The following KIN variants were observed in gnomAD, a reference collection of about 807,000 sequenced individuals.
The protein encoded by KIN is DNA/RNA-binding protein KIN17.
KIN carries 47 observed loss-of-function variants against 63.0 expected under a neutral mutation model. That is an observed-to-expected ratio of 0.75 (90% confidence interval 0.59 to 0.95). KIN has a LOEUF of 0.95. Ranked by LOEUF, KIN falls within the 40% of genes least tolerant of loss-of-function variation. KIN has a pLI of 0.00. For missense variants in KIN, 408 were observed against 460.9 expected (o/e 0.89, Z 1.05); for synonymous variants, 160 against 157.7 (o/e 1.01, Z -0.11).
chr10:7,756,363 A>G (rs1835333159), intron 12 of KIN, among the ~76,000 whole-genome samples: 1 of 152,226 alleles, frequency 6.6e-6, no homozygotes, highest in Non-Finnish European at 1.5e-5. Flanking sequence ...TACGTTATCA[A>G]TAGACATTGT....
chr10:7,774,626 G>A (rs1011513088), intron 7 of KIN, among the ~76,000 whole-genome samples: 2 of 150,698 alleles, frequency 1.3e-5, no homozygotes, highest in Admixed American at 1.3e-4. Context: ...CCAGGAGTTC[G>A]AGGCCAGCCT....
rs1368190907 is a variant in KIN at position 7,752,835 on chromosome 10, C to A, written c.*3245G>T. ...AAGAAGCCAATCTGAAAAAGCTACA[C>A]CCTGTGTGACTCCAACTATATGACC... is the stretch of plus-strand genomic sequence containing the variant. On this transcript the variant is annotated 3_prime_UTR_variant, in exon 13 of 13. Coordinates refer to ENST00000379562, the MANE Select transcript of KIN (RefSeq NM_012311.4). 1.3e-5 allele frequency: 2 copies of A among 152,190 alleles called. No homozygotes were observed. Among genetic ancestry groups the A allele is most frequent in the African/African-American group, 4.8e-5 (2 of 41,446 alleles). The allele number at this position is 152,190 out of a possible 1,614,324, so 9.4% of individuals were successfully genotyped here.
chr10:7,785,901 A>G (rs1006063596), intron 1 of KIN, among the ~76,000 whole-genome samples: 5 of 152,190 alleles, frequency 3.3e-5, no homozygotes, highest in African/African-American at 9.6e-5. Context: ...GGAGAAAACT[A>G]AAAGTCCTAA....
In KIN at chr10:7,761,844, A is replaced by C. The variant is rs530105850; in HGVS notation, c.1018+613T>G. The stretch of plus-strand genomic sequence containing the variant: ...CAGTGAAGCCCCGTCTTTACTAAAA[A>C]TACAAAAATTAGCCAGATGTGGTGA... On this transcript the variant is annotated intron_variant, in intron 11 of 12. Transcript: ENST00000379562. 3.9e-5 allele frequency among the ~76,000 whole-genome samples: 6 copies of C among 152,202 alleles called. No individual in the cohort carries two copies. In the Middle Eastern group the frequency reaches 0.014, roughly 345 times the overall value.
rs1215268246 is a variant in KIN at position 7,780,087 on chromosome 10, CAG to C, written c.343_344del (p.Leu115AspfsTer2). On this transcript the variant is annotated frameshift_variant, in exon 4 of 13. Coordinates refer to ENST00000379562, the MANE Select transcript of KIN (RefSeq NM_012311.4). LOFTEE classifies it high-confidence loss of function. ...TGCCCAGCCACTTAGTAAAATCAGTCAGAGTTTCCCACTGAGTGGCATTCATG... is the reference window on the plus strand; with the variant it reads ...TGCCCAGCCACTTAGTAAAATCAGTCAGTTTCCCACTGAGTGGCATTCATG... ...IHMNATQWET[L>X]TDFTKWLGRE... The C allele has an allele frequency of 1.2e-5, 19 of 1,611,992 alleles. No homozygotes were observed. The highest frequency in any genetic ancestry group is 1.7e-5 in the Admixed American group (1 of 59,834).
At chr10:7,781,587 TAC>T (rs3036327) in intron 2 of KIN, among the ~76,000 whole-genome samples, 132 of 140,684 alleles carry the variant, frequency 9.4e-4, no homozygotes, top group African/African-American at 3.2e-3. Context: ...ACCCTGTCTC[TAC>T]ACACACACAC....
chr10:7,770,370 A>G (rs971409913), intron 7 of KIN, among the ~76,000 whole-genome samples: 2 of 152,234 alleles, frequency 1.3e-5, no homozygotes, highest in Non-Finnish European at 2.9e-5. Context: ...GCCATGCCCT[A>G]TGCTTTCAGC....
In KIN at chr10:7,781,713, T is replaced by C. The variant is rs529946207; in HGVS notation, c.209+1368A>G. ...GCCTGAGCCCAGGAGGTCAAGGTTG[T>C]AGTAAGCCATGACTATGCCACAAAA... On this transcript the variant is annotated intron_variant, in intron 2 of 12. Coordinates refer to ENST00000379562, the MANE Select transcript of KIN (RefSeq NM_012311.4). Among the ~76,000 whole-genome samples the C allele has an allele frequency of 7.8e-5, 10 of 127,722 alleles. No homozygotes were observed. The South Asian group carries it at 2.4e-3, about 31-fold the overall frequency. 83.8% of individuals were successfully genotyped at this position (127,722 alleles called of 152,430 possible).
At chr10:7,767,851 G>A (rs1439996574) in intron 8 of KIN, among the ~76,000 whole-genome samples, 1 of 128,958 alleles carries the variant, frequency 7.8e-6, no homozygotes, top group Non-Finnish European at 1.6e-5. Context: ...AGAACACAGA[G>A]CAGGACTCCG....
At chr10:7,786,074 T>C (rs1332501804) in intron 1 of KIN, among the ~76,000 whole-genome samples, 1 of 152,188 alleles carries the variant, frequency 6.6e-6, no homozygotes, top group East Asian at 1.9e-4. Flanking sequence ...GATGTGTCAA[T>C]GTAGTTTCAT....
chr10:7,774,186 T>C (rs1835721667), intron 7 of KIN, among the ~76,000 whole-genome samples: 1 of 152,220 alleles, frequency 6.6e-6, no homozygotes. Flanking sequence ...AAAAGTTTGC[T>C]GACCCCTGCC....
intron 4 of KIN, among the ~76,000 whole-genome samples, chr10:7,779,766 A>C (rs536326468): frequency 3.6e-4 from 54 of 151,862 alleles, no homozygotes; most frequent in Admixed American, 1.4e-3. Flanking sequence ...GTATCTGTGA[A>C]TTTTGGTTAT....
intron 12 of KIN, among the ~76,000 whole-genome samples, chr10:7,759,426 G>A (rs765757630): frequency 7.5e-4 from 114 of 152,170 alleles, no homozygotes; most frequent in Middle Eastern, 3.4e-3. Context: ...ATTTTAAAAA[G>A]TGGTTGACCT....
intron 1 of KIN, among the ~76,000 whole-genome samples, chr10:7,787,031 A>G (rs1035730025): frequency 7.2e-5 from 11 of 152,230 alleles, no homozygotes; most frequent in Non-Finnish European, 1.3e-4. Context: ...CCTGCACAGC[A>G]TTCAATCAAC....
chr10:7,757,727 C>G (rs189415111), intron 12 of KIN, among the ~76,000 whole-genome samples: 1 of 151,922 alleles, frequency 6.6e-6, no homozygotes, highest in African/African-American at 2.4e-5. Flanking sequence ...AAAGTATAAC[C>G]TAGGTTAGAT....
chr10:7,785,583 G>A lies in KIN; in HGVS notation c.114+2237C>T, dbSNP rs146222066. On this transcript the variant is annotated intron_variant, in intron 1 of 12. Transcript: ENST00000379562. ...CGAGGCAGGTGAATTACCTGAGGTC[G>A]GGAGTTTGAGACCAGCCTGGCCAAC... 3.7e-3 allele frequency among the ~76,000 whole-genome samples: 563 copies of A among 151,970 alleles called. 5 individuals carry two copies. Among genetic ancestry groups the A allele is most frequent in the African/African-American group, 0.012 (495 of 41,414 alleles).
At chr10:7,771,895 C>CAA (rs34263870) in intron 7 of KIN, among the ~76,000 whole-genome samples, 3 of 107,200 alleles carry the variant, frequency 2.8e-5, no homozygotes, top group African/African-American at 6.7e-5. Context: ...AATTCCGTCT[C>CAA]AAAAAAAAAA....
chr10:7,769,459 T>G (rs1835623452), intron 7 of KIN, 114 bp from the exon 8 acceptor site: 3 of 1,083,890 alleles, frequency 2.8e-6, no homozygotes, highest in Non-Finnish European at 4.0e-6. Flanking sequence ...TTACAGGAGA[T>G]TAGTGAAAAC....
At chr10:7,776,872 T>C (rs1835787993) in intron 5 of KIN, among the ~76,000 whole-genome samples, 1 of 150,470 alleles carries the variant, frequency 6.6e-6, no homozygotes, top group Non-Finnish European at 1.5e-5. Flanking sequence ...TTGGACAACA[T>C]TGCAAGAGCC....
Sources: allele counts gnomAD v4.1 joint callset (sites outside exome capture counted in the v4.1 genomes callset), GRCh38; gene constraint gnomAD v4.1.1; transcripts MANE v1.5; gene names NCBI Gene and HGNC (gene_info 2026-07-23, HGNC 2026-07-21).